SPOCK1: variants seen among roughly 807,000 people sequenced by gnomAD.
SPOCK1 encodes testican-1.
In SPOCK1, 23 loss-of-function variants were observed where a neutral mutation model predicts 55.3. That is an observed-to-expected ratio of 0.42 (90% CI 0.30 to 0.59). The LOEUF is 0.59. Among genes scored for constraint, SPOCK1 ranks in the 20% least tolerant of loss-of-function variants. The probability of loss-of-function intolerance (pLI) is 0.22; values close to 1 mark genes in which losing one functional copy is unlikely to be tolerated. For synonymous variants in SPOCK1, 226 were observed against 221.0 expected (o/e 1.02, Z -0.20); for missense variants, 499 against 552.5 (o/e 0.90, Z 0.97).
intron 5 of SPOCK1, among the ~76,000 whole-genome samples, chr5:137,112,083 C>G (rs575339937): frequency 2.6e-5 from 4 of 152,244 alleles, no homozygotes; most frequent in South Asian, 2.1e-4. Context: ...TCACGACCCC[C>G]CCTTACTGGT....
At chr5:137,358,293 C>G (rs1750861348) in intron 2 of SPOCK1, among the ~76,000 whole-genome samples, 1 of 151,922 alleles carries the variant, frequency 6.6e-6, no homozygotes, top group South Asian at 2.1e-4. Context: ...CATCCAACAC[C>G]ACTGCCCAAC....
At chr5:137,248,326 C>A (rs1389334139) in intron 3 of SPOCK1, among the ~76,000 whole-genome samples, 1 of 152,160 alleles carries the variant, frequency 6.6e-6, no homozygotes, top group Admixed American at 6.5e-5. Flanking sequence ...CAAATTCATT[C>A]ATTGATCTGT....
chr5:136,996,412 G>T (rs190123375), intron 6 of SPOCK1, among the ~76,000 whole-genome samples: 116 of 152,214 alleles, frequency 7.6e-4, no homozygotes, highest in African/African-American at 2.8e-3. Flanking sequence ...GAGAGGATTT[G>T]GATTAATCAC....
At chr5:137,184,857 C>T (rs1265375900) in intron 3 of SPOCK1, among the ~76,000 whole-genome samples, 1 of 152,128 alleles carries the variant, frequency 6.6e-6, no homozygotes, top group Non-Finnish European at 1.5e-5. Context: ...AATTGCAGCT[C>T]CCTCTGAGCC....
chr5:137,453,712 T>A (rs189606792), intron 2 of SPOCK1, among the ~76,000 whole-genome samples: 5 of 152,256 alleles, frequency 3.3e-5, no homozygotes, highest in Admixed American at 3.3e-4. Context: ...GAGATACATA[T>A]TACCACTGCC....
chr5:137,020,544 G>A (rs1751545403), intron 6 of SPOCK1, among the ~76,000 whole-genome samples: 1 of 151,852 alleles, frequency 6.6e-6, no homozygotes, highest in Non-Finnish European at 1.5e-5. Flanking sequence ...GATTTTTAAA[G>A]AAGGACCCAA....
intron 10 of SPOCK1, among the ~76,000 whole-genome samples, 193 bp downstream of exon 10, chr5:136,979,139 T>A (rs1344220102): frequency 6.6e-6 from 1 of 152,192 alleles, no homozygotes; most frequent in Non-Finnish European, 1.5e-5. Flanking sequence ...TCTTCTCTGG[T>A]CATAGTGAGT....
chr5:137,013,857 TAC>T (rs1400344328), intron 6 of SPOCK1, among the ~76,000 whole-genome samples: 1 of 152,130 alleles, frequency 6.6e-6, no homozygotes, highest in Non-Finnish European at 1.5e-5. Context: ...AAACAGGAGT[TAC>T]AGTTTTTTTT....
chr5:137,492,667 T>A (rs1338090076), intron 2 of SPOCK1, among the ~76,000 whole-genome samples: 1 of 152,258 alleles, frequency 6.6e-6, no homozygotes, highest in African/African-American at 2.4e-5. Context: ...GAGATTGCTT[T>A]AAGTTAAATG....
intron 2 of SPOCK1, among the ~76,000 whole-genome samples, chr5:137,328,274 C>T (rs1758112768): frequency 6.6e-6 from 1 of 152,244 alleles, no homozygotes. Context: ...TGCCCATCCT[C>T]ATCTGTACTC....
intron 2 of SPOCK1, among the ~76,000 whole-genome samples, chr5:137,408,597 C>T (rs1161889988): frequency 1.3e-5 from 2 of 152,204 alleles, no homozygotes; most frequent in Non-Finnish European, 2.9e-5. Context: ...AGGGGAACAG[C>T]TTAAGCTCCT....
At chr5:137,304,065 G>GT (rs59137765) in intron 2 of SPOCK1, among the ~76,000 whole-genome samples, 937 of 68,754 alleles carry the variant, frequency 0.014, 3 homozygotes, top group South Asian at 0.014. Flanking sequence ...AATGCAATGG[G>GT]TTTTTTTTTT....
chr5:137,274,715 G>GA (rs1341836325), intron 2 of SPOCK1, among the ~76,000 whole-genome samples: 1 of 152,122 alleles, frequency 6.6e-6, no homozygotes, highest in Non-Finnish European at 1.5e-5. Context: ...ATTGCAACTG[G>GA]AAAAAATAAT....
chr5:137,144,176 C>G lies in SPOCK1; in HGVS notation c.233-3482G>C, dbSNP rs1283787448. Among the ~76,000 whole-genome samples the G allele has an allele frequency of 3.9e-5, 6 of 152,080 alleles. No homozygotes were observed. In the East Asian group the frequency reaches 1.2e-3, roughly 29 times the overall value. ...GCCCAGCTCTGGACACCTGAGCCCT[C>G]AGCCTACCCCCTCTGAATGCAGCCA... On this transcript the variant is annotated intron_variant, in intron 3 of 10. Coordinates refer to ENST00000394945, the MANE Select transcript of SPOCK1 (RefSeq NM_004598.4).
At chr5:137,211,290 G>A (rs1755610579) in intron 3 of SPOCK1, among the ~76,000 whole-genome samples, 1 of 152,128 alleles carries the variant, frequency 6.6e-6, no homozygotes, top group African/African-American at 2.4e-5. Flanking sequence ...CACTAGCTGT[G>A]TGACCTTGAG....
chr5:137,251,042 A>G (rs994515778), intron 3 of SPOCK1, among the ~76,000 whole-genome samples: 7 of 152,170 alleles, frequency 4.6e-5, no homozygotes. Context: ...ATCAGAATCA[A>G]CCAGAGGGCT....
chr5:137,298,997 G>T (rs538210625), intron 2 of SPOCK1, among the ~76,000 whole-genome samples: 1 of 152,138 alleles, frequency 6.6e-6, no homozygotes, highest in East Asian at 1.9e-4. Context: ...TCATTGAGAT[G>T]GTTGTATTCA....
chr5:137,180,186 C>T (rs1463624916), intron 3 of SPOCK1, among the ~76,000 whole-genome samples: 2 of 152,224 alleles, frequency 1.3e-5, no homozygotes, highest in African/African-American at 2.4e-5. Context: ...ACCTGCACGG[C>T]ATGGCTGGCC....
chr5:137,329,813 C>T (rs1580869700), intron 2 of SPOCK1, among the ~76,000 whole-genome samples: 1 of 152,304 alleles, frequency 6.6e-6, no homozygotes, highest in East Asian at 1.9e-4. Context: ...AGCATATCAC[C>T]CACAGGTCTC....
Sources: allele counts gnomAD v4.1 joint callset (sites outside exome capture counted in the v4.1 genomes callset), GRCh38; gene constraint gnomAD v4.1.1; transcripts MANE v1.5; gene names NCBI Gene and HGNC (gene_info 2026-07-23, HGNC 2026-07-21).